ANKRD11: variants seen among roughly 807,000 people sequenced by gnomAD.
ANKRD11 encodes the protein ankyrin repeat domain 11.
Under a neutral mutation model 195.7 loss-of-function variants are expected in ANKRD11, and 17 were observed. That is an observed-to-expected ratio of 0.09 (90% CI 0.06 to 0.13). ANKRD11 has a LOEUF of 0.13. ANKRD11 is among the 10% of genes least tolerant of loss of function. ANKRD11 has a pLI of 1.00. For missense variants in ANKRD11, 3,735 were observed against 3,566.1 expected (o/e 1.05, Z -1.21); for synonymous variants, 1,953 against 1,528.1 (o/e 1.28, Z -6.49).
intron 1 of ANKRD11, among the ~76,000 whole-genome samples, chr16:89,429,007 T>G (rs989996840): frequency 6.6e-6 from 1 of 152,070 alleles, no homozygotes; most frequent in South Asian, 2.1e-4. Context: ...TAAGATGCAA[T>G]GAACAGAATG....
chr16:89,365,759 T>C (rs562990332), intron 2 of ANKRD11, among the ~76,000 whole-genome samples: 1 of 152,250 alleles, frequency 6.6e-6, no homozygotes. Flanking sequence ...GTTTGTTACG[T>C]AGGTAAACTT....
chr16:89,476,897 CG>C (rs2057277660), intron 1 of ANKRD11, among the ~76,000 whole-genome samples: 1 of 152,086 alleles, frequency 6.6e-6, no homozygotes, highest in Non-Finnish European at 1.5e-5. Flanking sequence ...CACAGTATCG[CG>C]TAACACACAA....
chr16:89,388,293 A>ATTTTGTTTTTTTTTT (rs2041016635), intron 2 of ANKRD11, among the ~76,000 whole-genome samples: 3 of 85,264 alleles, frequency 3.5e-5, no homozygotes, highest in Admixed American at 3.2e-4. Context: ...CATGAGGCTG[A>ATTTTGTTTTTTTTTT]TTTTTTTTTT....
chr16:89,270,727 C>G, intron 12 of ANKRD11, 90 bp downstream of exon 12: 5 of 1,316,636 alleles, frequency 3.8e-6, no homozygotes, highest in South Asian at 1.2e-5. Context: ...CGGCCTCCCC[C>G]CAGGCAGCGC....
chr16:89,282,787 G>C lies in ANKRD11; in HGVS notation c.3755C>G (p.Ala1252Gly), dbSNP rs2034368395. The C allele has an allele frequency of 6.8e-6, 11 of 1,611,738 alleles. No individual in the cohort carries two copies. The highest frequency in any genetic ancestry group is 1.6e-4 in the Middle Eastern group (1 of 6,062). Residue 1252 changes from alanine to glycine, a missense_variant, in exon 9 of 13, where the codon GCT (alanine) becomes GGT (glycine). Transcript: ENST00000301030. ...CGACTTCTCTTTGTGTTTGCTTTTA[G>C]CCTTGTCTTCGGCAGCGTGCTTCTT... Reference protein sequence around the residue: ...AEKKHAAEDKAKSKHKEKSDK... With the variant: ...AEKKHAAEDKGKSKHKEKSDK...
chr16:89,472,111 C>T (rs1302148694), intron 1 of ANKRD11, among the ~76,000 whole-genome samples: 2 of 152,088 alleles, frequency 1.3e-5, no homozygotes, highest in Admixed American at 6.6e-5. Context: ...AACCTAATTC[C>T]GACCAAGCTT....
intron 2 of ANKRD11, among the ~76,000 whole-genome samples, chr16:89,381,112 CAGG>C (rs554587443): frequency 5.3e-5 from 8 of 152,126 alleles, no homozygotes; most frequent in Non-Finnish European, 1.0e-4. Flanking sequence ...CATTTGAGAT[CAGG>C]AGTTTGAGAC....
intron 1 of ANKRD11, among the ~76,000 whole-genome samples, chr16:89,466,959 C>A (rs2056907041): frequency 6.6e-6 from 1 of 152,214 alleles, no homozygotes; most frequent in Non-Finnish European, 1.5e-5. Context: ...ACCACCCCTA[C>A]CCTGTCAGTT....
intron 3 of ANKRD11, among the ~76,000 whole-genome samples, chr16:89,312,758 T>C (rs1419172590): frequency 6.6e-6 from 1 of 152,338 alleles, no homozygotes; most frequent in East Asian, 1.9e-4. Context: ...GGCTCTGTTC[T>C]GAGTACAGAC....
intron 2 of ANKRD11, among the ~76,000 whole-genome samples, chr16:89,364,655 T>C (rs2039871697): frequency 6.6e-6 from 1 of 152,220 alleles, no homozygotes; most frequent in Admixed American, 6.5e-5. Context: ...CAACAGCTGA[T>C]AAGCTTAGAA....
chr16:89,401,672 C>T (rs1438246928), intron 2 of ANKRD11, among the ~76,000 whole-genome samples: 5 of 152,092 alleles, frequency 3.3e-5, no homozygotes, highest in Non-Finnish European at 7.4e-5. Context: ...CGATGGCCTT[C>T]CTGGGAAACA....
intron 1 of ANKRD11, among the ~76,000 whole-genome samples, chr16:89,457,453 C>T (rs993931731): frequency 6.6e-6 from 1 of 151,128 alleles, no homozygotes; most frequent in African/African-American, 2.4e-5. Flanking sequence ...CAAAAATTAG[C>T]CAGGCGTGGT....
At chr16:89,481,215 T>C (rs1296334733) in intron 1 of ANKRD11, among the ~76,000 whole-genome samples, 1 of 152,184 alleles carries the variant, frequency 6.6e-6, no homozygotes, top group Admixed American at 6.5e-5. Context: ...ACAATTCACC[T>C]ACACAGTGTG....
chr16:89,310,233 C>T (rs191554082), intron 3 of ANKRD11, among the ~76,000 whole-genome samples: 76 of 152,256 alleles, frequency 5.0e-4, no homozygotes, highest in Middle Eastern at 3.4e-3. Flanking sequence ...GTGTGGGGTG[C>T]GGGGTCCGCC....
chr16:89,317,057 G>T lies in ANKRD11; in HGVS notation c.-38C>A. Reference sequence around the variant, plus strand: ...CACCCGATCTTCATTTACACGGCCGGCGCTTCATCATCAACCGTCTGCTTC... The same window carrying T: ...CACCCGATCTTCATTTACACGGCCGTCGCTTCATCATCAACCGTCTGCTTC... On this transcript the variant is annotated 5_prime_UTR_variant, in exon 3 of 13. Transcript: ENST00000301030. 6.3e-7 allele frequency: 1 copy of T among 1,595,348 alleles called. No individual in the cohort carries two copies.
chr16:89,356,803 GAAAA>G (rs1303057644), intron 2 of ANKRD11, among the ~76,000 whole-genome samples: 1 of 143,304 alleles, frequency 7.0e-6, no homozygotes, highest in Non-Finnish European at 1.5e-5. Flanking sequence ...AAAGAAAAAA[GAAAA>G]AAAAAGAACG....
intron 2 of ANKRD11, among the ~76,000 whole-genome samples, chr16:89,349,353 G>A (rs781695322): frequency 3.0e-4 from 45 of 151,026 alleles, no homozygotes; most frequent in African/African-American, 9.0e-4. Context: ...GGTGGCGGGC[G>A]CCTGTAGTCC....
At chr16:89,327,901 T>C (rs1040146532) in intron 2 of ANKRD11, among the ~76,000 whole-genome samples, 2 of 152,034 alleles carry the variant, frequency 1.3e-5, no homozygotes, top group African/African-American at 4.8e-5. Context: ...TCGACAAAAT[T>C]AAAAACTTTT....
intron 4 of ANKRD11, chr16:89,301,105 T>C (rs2035827638): frequency 5.6e-6 from 3 of 539,890 alleles, no homozygotes; most frequent in Non-Finnish European, 9.8e-6. Flanking sequence ...TGATTATTTA[T>C]TTATCTATTT....
Sources: allele counts gnomAD v4.1 joint callset (sites outside exome capture counted in the v4.1 genomes callset), GRCh38; gene constraint gnomAD v4.1.1; transcripts MANE v1.5; gene names NCBI Gene and HGNC (gene_info 2026-07-23, HGNC 2026-07-21).